The following GCA variants were observed in gnomAD, a reference collection of about 807,000 sequenced individuals.
GCA encodes grancalcin, also known as grancalcin, EF-hand calcium-binding protein.
A neutral mutation model predicts 32.6 loss-of-function variants in GCA; 30 were observed. The ratio of observed to expected loss-of-function variants is 0.92; its 90% confidence interval spans 0.69 to 1.25. The LOEUF (loss-of-function observed/expected upper bound fraction) is 1.25. Ranked by LOEUF, GCA falls within the 50% of genes most tolerant of loss-of-function variation. GCA has a pLI of 0.00. For missense variants in GCA, 291 were observed against 266.8 expected (o/e 1.09, Z -0.63); for synonymous variants, 102 against 84.6 (o/e 1.21, Z -1.13).
chr2:162,373,731 A>G, downstream of GCA: 1 of 1,082,098 alleles, frequency 9.2e-7, no homozygotes, highest in South Asian at 2.6e-5. Context: ...ATTTAAAAAA[A>G]TTTCAGCACT....
intron 1 of GCA, among the ~76,000 whole-genome samples, chr2:162,324,900 C>T (rs2105258177): frequency 6.6e-6 from 1 of 152,248 alleles, no homozygotes; most frequent in Admixed American, 6.5e-5. Context: ...ACAGACTCCT[C>T]CCAGAGGTTT....
At chr2:162,355,910 T>C (rs1287658273) in intron 3 of GCA, among the ~76,000 whole-genome samples, 2 of 152,074 alleles carry the variant, frequency 1.3e-5, no homozygotes, top group African/African-American at 4.8e-5. Flanking sequence ...TTTTAGAATT[T>C]CCCTTCTGCT....
At chr2:162,339,332 A>G (rs1684368544), upstream of GCA, among the ~76,000 whole-genome samples, 1 of 152,210 alleles carries the variant, frequency 6.6e-6, no homozygotes, top group African/African-American at 2.4e-5. Flanking sequence ...CTGGAAAAGT[A>G]TGATAATTAT....
intron 2 of GCA, 109 bp from the exon 3 acceptor site, chr2:162,352,229 A>G (rs530539593): frequency 3.0e-6 from 2 of 663,182 alleles, no homozygotes; most frequent in East Asian, 2.6e-5. Flanking sequence ...TTATAGAGTA[A>G]TGTTTCAAAG....
At chr2:162,322,465 GT>G (rs1359327472) in intron 1 of GCA, among the ~76,000 whole-genome samples, 1 of 150,534 alleles carries the variant, frequency 6.6e-6, no homozygotes, top group African/African-American at 2.5e-5. Flanking sequence ...GTGCAGGTTG[GT>G]TACATATGTA....
At chr2:162,319,025 A>C (rs1176264518), upstream of GCA, 1 of 397,932 alleles carries the variant, frequency 2.5e-6, no homozygotes, top group Non-Finnish European at 5.1e-6. Context: ...ACAGACCCGG[A>C]CGTGAACAGG....
chr2:162,318,862 C>G (rs190273293), upstream of GCA: 1 of 194,578 alleles, frequency 5.1e-6, no homozygotes, highest in African/African-American at 2.3e-5. Flanking sequence ...TCTCTGACAC[C>G]AAGACCAACG....
intron 1 of GCA, among the ~76,000 whole-genome samples, chr2:162,347,025 A>AT (rs1248405142): frequency 6.6e-6 from 1 of 152,186 alleles, no homozygotes; most frequent in African/African-American, 2.4e-5. Flanking sequence ...TTCTTTAAAC[A>AT]TTTTGCTTCC....
In GCA at chr2:162,321,935, C is replaced by T. The variant is rs13398355; in HGVS notation, c.-31+2710C>T. Among the ~76,000 whole-genome samples the T allele has an allele frequency of 5.7e-3, 400 of 70,168 alleles. 33 individuals are homozygous for T. Among genetic ancestry groups the T allele is most frequent in the African/African-American group, 0.033 (370 of 11,320 alleles). 46.0% of individuals were successfully genotyped at this position (70,168 alleles called of 152,430 possible). ...ATATATATATATATATATATATATA[C>T]ACACATACATATAAACACTATATAA... is the stretch of plus-strand genomic sequence containing the variant. On this transcript the variant is annotated intron_variant, in intron 1 of 4. Coordinates refer to the GCA transcript ENST00000429691.
intron 1 of GCA, among the ~76,000 whole-genome samples, chr2:162,328,626 C>A (rs1039112933): frequency 6.6e-6 from 1 of 152,170 alleles, no homozygotes; most frequent in African/African-American, 2.4e-5. Flanking sequence ...ATATTTACAG[C>A]TCCTGAAGCC....
At chr2:162,322,901 A>G (rs558066807) in intron 1 of GCA, among the ~76,000 whole-genome samples, 1 of 152,022 alleles carries the variant, frequency 6.6e-6, no homozygotes, top group South Asian at 2.1e-4. Flanking sequence ...AGCAAGATTT[A>G]TAGTCCTTTG....
intron 1 of GCA, among the ~76,000 whole-genome samples, chr2:162,328,491 C>A (rs1260991508): frequency 2.6e-5 from 4 of 152,164 alleles, no homozygotes; most frequent in Admixed American, 6.5e-5. Context: ...TCACACTCAC[C>A]TTCTAAGATC....
At chr2:162,335,073 T>G (rs1684224060) in intron 1 of GCA, among the ~76,000 whole-genome samples, 1 of 152,160 alleles carries the variant, frequency 6.6e-6, no homozygotes, top group South Asian at 2.1e-4. Context: ...AGCTGGAGCC[T>G]TATTAGTTTA....
chr2:162,366,934 A>G (rs1021424125), downstream of GCA, among the ~76,000 whole-genome samples: 2 of 146,334 alleles, frequency 1.4e-5, no homozygotes, highest in East Asian at 3.9e-4. Flanking sequence ...AGAGCAACAG[A>G]AAGTGTTTTA....
chr2:162,363,150 C>A (rs1222640465), downstream of GCA, among the ~76,000 whole-genome samples: 1 of 151,196 alleles, frequency 6.6e-6, no homozygotes, highest in African/African-American at 2.4e-5. Context: ...TTACGTTTGA[C>A]AAACTCTTAA....
chr2:162,326,546 T>C (rs1001729458), intron 1 of GCA, among the ~76,000 whole-genome samples: 3 of 152,126 alleles, frequency 2.0e-5, no homozygotes, highest in African/African-American at 7.2e-5. Context: ...AGATGGAATC[T>C]TGTTCTGTCA....
chr2:162,336,158 CAT>C (rs1427175933), intron 1 of GCA, among the ~76,000 whole-genome samples: 2 of 152,042 alleles, frequency 1.3e-5, no homozygotes, highest in African/African-American at 4.8e-5. Context: ...GCTGAAGCTA[CAT>C]GTTTTGCTTA....
At chr2:162,348,168 T>G (rs1338189453) in intron 2 of GCA, among the ~76,000 whole-genome samples, 1 of 152,178 alleles carries the variant, frequency 6.6e-6, no homozygotes, top group Non-Finnish European at 1.5e-5. Flanking sequence ...AGCATCATAC[T>G]CTCCCTGAGT....
At chr2:162,353,779 C>T (rs1041209018) in intron 3 of GCA, among the ~76,000 whole-genome samples, 1 of 152,182 alleles carries the variant, frequency 6.6e-6, no homozygotes, top group Admixed American at 6.5e-5. Context: ...ATGGTATTCT[C>T]AGCCTGGAAA....
Sources: gnomAD v4.1 joint callset for allele counts (sites outside exome capture counted in the v4.1 genomes callset) on GRCh38, gnomAD v4.1.1 for gene constraint, MANE v1.5 for transcripts, NCBI Gene and HGNC (gene_info 2026-07-23, HGNC 2026-07-21) for gene names.